AHR: variants seen among roughly 807,000 people sequenced by gnomAD.
AHR encodes the protein aryl hydrocarbon receptor.
In AHR, 40 loss-of-function variants were observed where a neutral mutation model predicts 86.8. The ratio of observed to expected loss-of-function variants is 0.46; its 90% CI spans 0.36 to 0.60. The LOEUF is 0.60. AHR is among the 20% of genes least tolerant of loss of function. The pLI is 0.00. For synonymous variants in AHR, 398 were observed against 354.9 expected (o/e 1.12, Z -1.37); for missense variants, 1,001 against 1,011.6 (o/e 0.99, Z 0.14).
rs895586961 is a variant in AHR at position 17,299,190 on chromosome 7, G to A, written c.-75G>A. The A allele has an allele frequency of 2.7e-5, 42 of 1,528,812 alleles. No individual in the cohort carries two copies. The highest frequency in any genetic ancestry group is 1.9e-4 in the Admixed American group (10 of 51,512). The allele number at this position is 1,528,812 out of a possible 1,614,324, so 94.7% of individuals were successfully genotyped here. A position where few individuals can be genotyped will look rare whatever the true frequency, so the allele number is the denominator to read the frequency against. On this transcript the variant is annotated 5_prime_UTR_variant, in exon 1 of 11. Coordinates refer to ENST00000242057, the MANE Select transcript of AHR (RefSeq NM_001621.5). ...GAACCCGGCGCCGGCCGCCGCAGTG[G>A]TCCCAGCCTACACCGGGTTCCGGGG...
intron 1 of AHR, among the ~76,000 whole-genome samples, chr7:17,304,797 T>C (rs1052986425): frequency 2.0e-5 from 3 of 152,150 alleles, no homozygotes; most frequent in African/African-American, 7.2e-5. Context: ...ATGCACTTAG[T>C]ACATATTTGA....
intron 2 of AHR, among the ~76,000 whole-genome samples, chr7:17,321,551 C>G (rs1481609406): frequency 1.3e-5 from 2 of 150,922 alleles, no homozygotes; most frequent in South Asian, 4.2e-4. Context: ...TTCTATTCAG[C>G]TGCGCTTCCT....
chr7:17,330,431 T>C (rs958993887), intron 5 of AHR, among the ~76,000 whole-genome samples: 1 of 151,916 alleles, frequency 6.6e-6, no homozygotes, highest in African/African-American at 2.4e-5. Context: ...TAAGCTAGCA[T>C]ATGCAAGTAT....
chr7:17,330,185 A>G, intron 5 of AHR, 110 bp downstream of exon 5: 2 of 1,053,540 alleles, frequency 1.9e-6, no homozygotes, highest in African/African-American at 1.6e-5. Flanking sequence ...GAAGTAGTGG[A>G]AAGATGTAAA....
chr7:17,320,407 A>G lies in AHR; in HGVS notation c.254-2094A>G, dbSNP rs148379690. 3.5e-3 allele frequency among the ~76,000 whole-genome samples: 526 copies of G among 152,160 alleles called. 4 individuals are homozygous for G. Among genetic ancestry groups the G allele is most frequent in the Non-Finnish European group, 5.8e-3 (395 of 67,946 alleles). ...TATCTCTTAATATTTATGTTTTTCT[A>G]CTGCCAGTGACTCTAGGTGGAACTA... On this transcript the variant is annotated intron_variant, in intron 2 of 10. Coordinates refer to ENST00000242057, the MANE Select transcript of AHR (RefSeq NM_001621.5).
In AHR at chr7:17,335,669, T is replaced by C; in HGVS notation, c.1043T>C (p.Met348Thr). The C allele has an allele frequency of 1.3e-6, 2 of 1,581,900 alleles. No individual in the cohort carries two copies. Among genetic ancestry groups the C allele is most frequent in the Non-Finnish European group, 1.7e-6 (2 of 1,161,922 alleles). Reference sequence around the variant, plus strand: ...GTGATTAAGACTGGAGAAAGTGGCATGATAGTTTTCCGGCTTCTTACAAAA... The same window carrying C: ...GTGATTAAGACTGGAGAAAGTGGCACGATAGTTTTCCGGCTTCTTACAAAA... ...IRMIKTGESG[M>T]IVFRLLTKNN... The change falls in exon 9 of 11, where the codon ATG becomes ACG. Residue 348 changes from methionine to threonine, a missense_variant. Met to Thr is a moderately conservative substitution (Grantham distance 81). Transcript: ENST00000242057.
intron 1 of AHR, 134 bp downstream of exon 1, chr7:17,299,463 G>A: frequency 1.0e-6 from 1 of 969,486 alleles, no homozygotes; most frequent in Non-Finnish European, 1.5e-6. Context: ...CCGTGGAATC[G>A]AGGTTTGGAG....
intron 2 of AHR, among the ~76,000 whole-genome samples, chr7:17,310,880 A>G (rs1005912024): frequency 3.9e-5 from 6 of 152,208 alleles, no homozygotes; most frequent in African/African-American, 1.2e-4. Flanking sequence ...TGCAAGAAAT[A>G]TAATTAAAAC....
intron 1 of AHR, among the ~76,000 whole-genome samples, chr7:17,305,586 A>G (rs900165381): frequency 3.3e-5 from 5 of 152,134 alleles, no homozygotes; most frequent in Non-Finnish European, 5.9e-5. Context: ...AGTTATGGGT[A>G]AGTAGACCAA....
intron 10 of AHR, among the ~76,000 whole-genome samples, chr7:17,341,581 G>GTAGC (rs1247796042): frequency 1.4e-4 from 22 of 152,112 alleles, no homozygotes; most frequent in African/African-American, 5.3e-4. Flanking sequence ...GAGCCACTGA[G>GTAGC]TAGCTGTTCA....
Position 17,327,752 on chromosome 7 carries a change from C to G in AHR, c.361-7C>G. 6.5e-7 allele frequency: 1 copy of G among 1,532,620 alleles called. No individual in the cohort carries two copies. Among genetic ancestry groups the G allele is most frequent in the Non-Finnish European group, 8.9e-7 (1 of 1,123,148 alleles). 94.9% of individuals were successfully genotyped at this position (1,532,620 alleles called of 1,614,324 possible). A position where few individuals can be genotyped will look rare whatever the true frequency, so the allele number is the denominator to read the frequency against. On this transcript the variant is annotated splice_region_variant and splice_polypyrimidine_tract_variant and intron_variant, in intron 3 of 10. Transcript: ENST00000242057. ...ATTACTAATTTTAGAACTTCCTTTC[C>G]TTGTAGGCTCTGAATGGCTTTGTAT... is the stretch of plus-strand genomic sequence containing the variant.
chr7:17,310,968 CTGTT>C (rs759211877), intron 2 of AHR, among the ~76,000 whole-genome samples: 1 of 152,204 alleles, frequency 6.6e-6, no homozygotes, highest in Non-Finnish European at 1.5e-5. Flanking sequence ...TCACTGAAAA[CTGTT>C]TGTCATTAAC....
chr7:17,319,009 A>G (rs1276423879), intron 2 of AHR, among the ~76,000 whole-genome samples: 2 of 152,134 alleles, frequency 1.3e-5, no homozygotes, highest in Non-Finnish European at 2.9e-5. Flanking sequence ...GGAGTGGCAG[A>G]GGCATGTAAG....
chr7:17,304,271 C>T (rs1781983632), intron 1 of AHR, among the ~76,000 whole-genome samples: 1 of 152,044 alleles, frequency 6.6e-6, no homozygotes, highest in African/African-American at 2.4e-5. Context: ...CCTTTTTCAC[C>T]TTCCTGCATC....
chr7:17,342,988 C>G lies in AHR; in HGVS notation c.2471C>G (p.Thr824Ser). The G allele has an allele frequency of 6.2e-7, 1 of 1,613,452 alleles. No individual in the cohort carries two copies. Among genetic ancestry groups the G allele is most frequent in the Non-Finnish European group, 8.5e-7 (1 of 1,179,438 alleles). Reference sequence around the variant, plus strand: ...AATAACATAAATAACACTCAGACTACCACACATCTTCAGCCACTTCATCAT... The same window carrying G: ...AATAACATAAATAACACTCAGACTAGCACACATCTTCAGCCACTTCATCAT... ...ELNNINNTQT[T>S]THLQPLHHPS... Residue 824 changes from threonine to serine, a missense_variant, in exon 11 of 11, where the codon ACC becomes AGC. This residue lies in a region of AHR where 607 missense variants were observed against 543.1 expected (regional missense o/e 1.12). Transcript: ENST00000242057.
At chr7:17,324,674 T>C (rs970620533) in intron 3 of AHR, among the ~76,000 whole-genome samples, 1 of 151,766 alleles carries the variant, frequency 6.6e-6, no homozygotes, top group Non-Finnish European at 1.5e-5. Context: ...TGGTGGCGGG[T>C]GCCTGTAATC....
intron 2 of AHR, among the ~76,000 whole-genome samples, chr7:17,314,888 G>A (rs889453768): frequency 6.6e-6 from 1 of 151,888 alleles, no homozygotes; most frequent in Non-Finnish European, 1.5e-5. Context: ...TTAATTCTAG[G>A]ACTATCCAAA....
chr7:17,340,138 G>T lies in AHR; in HGVS notation c.2313G>T (p.Met771Ile), dbSNP rs761580687. 3 of 1,614,200 alleles carry T rather than the reference G, an allele frequency of 1.9e-6. No homozygotes were observed. Among genetic ancestry groups the T allele is most frequent in the Non-Finnish European group, 2.5e-6 (3 of 1,180,034 alleles). ...PQTCYAGAVS[M>I]YQCQPEPQHT... Reference sequence around the variant, plus strand: ...CATGTTATGCTGGGGCCGTGTCGATGTATCAGTGCCAGCCAGAACCTCAGC... The same window carrying T: ...CATGTTATGCTGGGGCCGTGTCGATTTATCAGTGCCAGCCAGAACCTCAGC... Residue 771 changes from methionine to isoleucine, a missense_variant, in exon 10 of 11, where the codon ATG (methionine) becomes ATT (isoleucine). Physicochemically the swap from Met to Ile is conservative, Grantham distance 10. This residue lies in a region of AHR where 607 missense variants were observed against 543.1 expected (regional missense o/e 1.12). Coordinates refer to ENST00000242057, the MANE Select transcript of AHR (RefSeq NM_001621.5).
intron 9 of AHR, 73 bp from the exon 10 acceptor site, chr7:17,338,910 TTTC>T (rs1359315803): frequency 7.4e-7 from 1 of 1,358,646 alleles, no homozygotes; most frequent in Non-Finnish European, 9.8e-7. Flanking sequence ...GCTTTATGTT[TTTC>T]TTTTTTAAAT....
Sources: allele counts gnomAD v4.1 joint callset (sites outside exome capture counted in the v4.1 genomes callset), GRCh38; gene constraint gnomAD v4.1.1; regional missense constraint gnomAD v4.1.1; transcripts MANE v1.5; gene names NCBI Gene and HGNC (gene_info 2026-07-23, HGNC 2026-07-21).